Variants in SEC23A observed in about 807,000 individuals in gnomAD.
SEC23A encodes the protein SEC23 homolog A, COPII component, also known as protein transport protein Sec23A.
SEC23A carries 56 observed loss-of-function variants against 103.7 expected under a neutral mutation model. The observed-to-expected ratio is 0.54, with a 90% confidence interval of 0.44 to 0.67. SEC23A has a LOEUF of 0.67. Ranked by LOEUF, SEC23A falls within the 30% of genes least tolerant of loss-of-function variation. The probability of loss-of-function intolerance (pLI) is 0.00; values close to 1 mark genes in which losing one functional copy is unlikely to be tolerated. For missense variants in SEC23A, 784 were observed against 936.4 expected, an observed-to-expected ratio of 0.84 and a Z score of 2.12; for synonymous variants, 281 against 293.0, an observed-to-expected ratio of 0.96 and a Z score of 0.42.
chr14:39,099,008 T>G (rs116086519), intron 1 of SEC23A, among the ~76,000 whole-genome samples: 1 of 152,066 alleles, frequency 6.6e-6, no homozygotes. Flanking sequence ...CTCCCAAGGA[T>G]AGTACATAAC....
At position 39,091,501 on chromosome 14, in the gene SEC23A, T is replaced by C. The variant is rs774323212; in HGVS notation, c.579A>G (p.Lys193=). 1 of 1,613,898 alleles carries C rather than the reference T, an allele frequency of 6.2e-7. No homozygotes were observed. Among genetic ancestry groups the C allele is most frequent in the South Asian group, 1.1e-5 (1 of 91,082 alleles). ...CCTGCAGTTGTTTGGCAGACAAATC[T>C]TTTGTTCCTCTGAAGACATAGCTTT... The part of the protein sequence containing the change: ...ISKSYVFRGT[K]DLSAKQLQEM... Residue 193 remains lysine (K), a synonymous_variant, in exon 5 of 20, where the codon AAA becomes AAG. Transcript: ENST00000307712.
chr14:39,046,602 A>T (rs1885848103), intron 15 of SEC23A, among the ~76,000 whole-genome samples: 1 of 151,564 alleles, frequency 6.6e-6, no homozygotes. Flanking sequence ...ACACTGGTTT[A>T]AAAAAAAACA....
intron 13 of SEC23A, among the ~76,000 whole-genome samples, chr14:39,055,924 G>A (rs907364624): frequency 6.6e-6 from 1 of 152,258 alleles, no homozygotes; most frequent in Non-Finnish European, 1.5e-5. Flanking sequence ...CATGAGACAT[G>A]CCTGAGCGGG....
rs1166000732 is a variant in SEC23A, at chr14:39,032,489, A to G, written c.*750T>C. On this transcript the variant is annotated 3_prime_UTR_variant, in exon 20 of 20. Coordinates refer to ENST00000307712, the MANE Select transcript of SEC23A (RefSeq NM_006364.4). ...GTAGTTACAACCGTCATTTTACTGC[A>G]AAGGCTTACTAAAATGCACTCCAAC... The G allele has an allele frequency of 6.6e-6, 1 of 152,612 alleles. No homozygotes were observed. Among genetic ancestry groups the G allele is most frequent in the Non-Finnish European group, 1.5e-5 (1 of 68,002 alleles). The allele number at this position is 152,612 out of a possible 1,614,324, so 9.5% of individuals were successfully genotyped here.
chr14:39,074,469 C>T lies in SEC23A; in HGVS notation c.1049G>A (p.Cys350Tyr), dbSNP rs1322090864. 1.2e-6 allele frequency: 2 copies of T among 1,613,546 alleles called. No individual in the cohort carries two copies. The highest frequency in any genetic ancestry group is 1.7e-6 in the Non-Finnish European group (2 of 1,179,798). ...CAGGAGACCTGTCTGATCTAATGCA[C>T]ACGCATAGATATCAATAACATGGCC... ...TTGHVIDIYACALDQTGLLEM... is the reference protein window; with the variant it reads ...TTGHVIDIYAYALDQTGLLEM... The change falls in exon 9 of 20, where the codon TGT becomes TAT. Residue 350 changes from cysteine (C) to tyrosine (Y), a missense_variant. Transcript: ENST00000307712.
At chr14:39,094,229 T>TATATATGCATATATACACATACAC (rs1566514276) in intron 2 of SEC23A, among the ~76,000 whole-genome samples, 1 of 115,418 alleles carries the variant, frequency 8.7e-6, no homozygotes. Flanking sequence ...CACATACATA[T>TATATATGCATATATACACATACAC]ATATATATGC....
At chr14:39,071,163 A>G (rs1337693614) in intron 9 of SEC23A, among the ~76,000 whole-genome samples, 1 of 152,260 alleles carries the variant, frequency 6.6e-6, no homozygotes, top group Non-Finnish European at 1.5e-5. Flanking sequence ...AAAAGCATGC[A>G]GGTGGGAAGG....
At chr14:39,083,563 CTTTTTTT>C (rs71130810) in intron 7 of SEC23A, among the ~76,000 whole-genome samples, 4 of 91,796 alleles carry the variant, frequency 4.4e-5, no homozygotes, top group Non-Finnish European at 6.3e-5. Flanking sequence ...AATAAACTTT[CTTTTTTT>C]TTTTTTTTTT....
At chr14:39,050,405 G>A (rs1365546291) in intron 14 of SEC23A, among the ~76,000 whole-genome samples, 2 of 152,186 alleles carry the variant, frequency 1.3e-5, no homozygotes, top group African/African-American at 4.8e-5. Context: ...AATGACAAAA[G>A]CGGTATCTGT....
In SEC23A at chr14:39,095,887, AT is replaced by A; in HGVS notation, c.221+10del. The A allele has an allele frequency of 2.5e-6, 4 of 1,575,276 alleles. No individual in the cohort carries two copies. Among genetic ancestry groups the A allele is most frequent in the Non-Finnish European group, 3.5e-6 (4 of 1,144,768 alleles). ...CATTGCCACATTAGTTTTTCTATAT[AT>A]TTTACTTACCATAAAGGATTCAAAA... On this transcript the variant is annotated intron_variant, in intron 2 of 19. Transcript: ENST00000307712.
intron 10 of SEC23A, among the ~76,000 whole-genome samples, chr14:39,066,900 C>T (rs1886685402): frequency 6.6e-6 from 1 of 151,904 alleles, no homozygotes; most frequent in Non-Finnish European, 1.5e-5. Flanking sequence ...AAGAGCTAAG[C>T]CCTATATAAA....
chr14:39,041,408 G>GCAAAAAAAAAAAAAAAAAA (rs1885632755), intron 17 of SEC23A: 1 of 8,816 alleles, frequency 1.1e-4, no homozygotes, highest in Non-Finnish European at 2.1e-4. Flanking sequence ...CAAAGAAAAA[G>GCAAAAAAAAAAAAAAAAAA]CAAAAAAAAA....
chr14:39,037,733 C>A (rs1885505865), intron 19 of SEC23A, among the ~76,000 whole-genome samples: 1 of 152,156 alleles, frequency 6.6e-6, no homozygotes, highest in South Asian at 2.1e-4. Flanking sequence ...CAATTATGTT[C>A]TTTATAGCTA....
intron 16 of SEC23A, among the ~76,000 whole-genome samples, chr14:39,043,758 G>T (rs1885732995): frequency 6.6e-6 from 1 of 152,174 alleles, no homozygotes; most frequent in Non-Finnish European, 1.5e-5. Flanking sequence ...TGTCACAGAA[G>T]CCTAGGGCAA....
intron 19 of SEC23A, 34 bp from the exon 20 acceptor site, chr14:39,033,362 C>T (rs993466403): frequency 7.3e-7 from 1 of 1,363,646 alleles, no homozygotes; most frequent in African/African-American, 1.4e-5. Flanking sequence ...ATGATTAAAG[C>T]ATAGGGTGAT....
At chr14:39,080,989 G>A (rs1887206860) in intron 7 of SEC23A, among the ~76,000 whole-genome samples, 1 of 152,128 alleles carries the variant, frequency 6.6e-6, no homozygotes, top group South Asian at 2.1e-4. Context: ...AGGATCACTT[G>A]AGACCAGGAG....
intron 12 of SEC23A, 134 bp downstream of exon 12, chr14:39,063,190 A>G (rs1886536628): frequency 1.7e-6 from 1 of 585,132 alleles, no homozygotes; most frequent in Admixed American, 2.8e-5. Context: ...CGACAAATAT[A>G]AATTCCAATA....
At chr14:39,081,095 G>C (rs926619702) in intron 7 of SEC23A, among the ~76,000 whole-genome samples, 3 of 151,932 alleles carry the variant, frequency 2.0e-5, no homozygotes, top group African/African-American at 7.2e-5. Flanking sequence ...CCAGCTACTT[G>C]GGAGGAGTCT....
At chr14:39,045,117 C>A in intron 16 of SEC23A, 46 bp downstream of exon 16, 1 of 1,545,868 alleles carries the variant, frequency 6.5e-7, no homozygotes, top group Non-Finnish European at 8.9e-7. Context: ...TTTAATGCCA[C>A]ACATTGCAGT....
Sources: gnomAD v4.1 joint callset for allele counts (sites outside exome capture counted in the v4.1 genomes callset) on GRCh38, gnomAD v4.1.1 for gene constraint, MANE v1.5 for transcripts, NCBI Gene and HGNC (gene_info 2026-07-23, HGNC 2026-07-21) for gene names.